Variants in ABCA5 observed in about 807,000 individuals in gnomAD.
ABCA5 encodes cholesterol transporter ABCA5.
Under a neutral mutation model 206.0 loss-of-function variants are expected in ABCA5, and 163 were observed. The observed-to-expected ratio is 0.79, with a 90% CI of 0.70 to 0.90. The LOEUF is 0.90. ABCA5 is among the 40% of genes least tolerant of loss of function. ABCA5 has a pLI of 0.00. For synonymous variants in ABCA5, 609 were observed against 613.8 expected (o/e 0.99, Z 0.11); for missense variants, 1,859 against 1,912.9 (o/e 0.97, Z 0.53).
At chr17:69,293,743 T>C (rs2075552346) in intron 11 of ABCA5, among the ~76,000 whole-genome samples, 1 of 151,938 alleles carries the variant, frequency 6.6e-6, no homozygotes, top group African/African-American at 2.4e-5. Flanking sequence ...CAACCTGCCT[T>C]ACAGATTTCT....
intron 1 of ABCA5, among the ~76,000 whole-genome samples, chr17:69,323,141 C>T (rs2075877152): frequency 6.6e-6 from 1 of 152,140 alleles, no homozygotes; most frequent in Non-Finnish European, 1.5e-5. Context: ...TAATTACTGA[C>T]CTTTTGTTAT....
intron 19 of ABCA5, 31 bp from the exon 20 acceptor site, chr17:69,274,159 G>A (rs767506958): frequency 2.0e-6 from 3 of 1,525,446 alleles, no homozygotes; most frequent in East Asian, 2.3e-5. Flanking sequence ...ACACAGCTCA[G>A]GGTACAAAGG....
At chr17:69,288,229 G>A (rs1048818876) in intron 14 of ABCA5, among the ~76,000 whole-genome samples, 4 of 152,098 alleles carry the variant, frequency 2.6e-5, no homozygotes, top group African/African-American at 9.7e-5. Context: ...TTCCCCAGCT[G>A]CAACAGCAAG....
chr17:69,277,050 T>C (rs2075340340), intron 19 of ABCA5, among the ~76,000 whole-genome samples: 1 of 152,206 alleles, frequency 6.6e-6, no homozygotes, highest in Admixed American at 6.5e-5. Flanking sequence ...GTTAATGTTA[T>C]TTCCAAATTA....
At position 69,270,720 on chromosome 17, in the gene ABCA5, T is replaced by C; in HGVS notation, c.2923A>G (p.Thr975Ala). ...AATATAGGTAAAGAATAAACCATAG[T>C]ACTGTTGAAAACAGCTGCAAAAACA... ...DYVFAAVFNS[T>A]MVYSLPILVN... The change falls in exon 22 of 39, where the codon ACT becomes GCT. Residue 975 changes from threonine to alanine, a missense_variant. Thr to Ala is a moderately conservative substitution (Grantham distance 58). Transcript: ENST00000392676. 2 of 1,573,178 alleles carry C rather than the reference T, an allele frequency of 1.3e-6. No homozygotes were observed. The highest frequency in any genetic ancestry group is 1.2e-5 in the South Asian group (1 of 82,226).
At chr17:69,282,468 T>C (rs1404309293) in intron 18 of ABCA5, among the ~76,000 whole-genome samples, 2 of 152,010 alleles carry the variant, frequency 1.3e-5, no homozygotes, top group East Asian at 3.9e-4. Flanking sequence ...TCTCAAACAA[T>C]ATACTCAAAA....
intron 19 of ABCA5, among the ~76,000 whole-genome samples, 153 bp downstream of exon 19, chr17:69,277,488 T>A (rs939853891): frequency 2.0e-5 from 3 of 152,162 alleles, no homozygotes; most frequent in African/African-American, 7.2e-5. Flanking sequence ...ATTATTGTAA[T>A]TTTTTTCTCT....
At chr17:69,261,612 A>T (rs781170569) in intron 25 of ABCA5, 23 bp downstream of exon 25, 2 of 1,067,964 alleles carry the variant, frequency 1.9e-6, no homozygotes, top group South Asian at 3.0e-5. Flanking sequence ...TGGAAAGTTG[A>T]AATAATGTAA....
At chr17:69,312,895 C>A (rs1218333322) in intron 3 of ABCA5, among the ~76,000 whole-genome samples, 197 bp downstream of exon 3, 1 of 151,624 alleles carries the variant, frequency 6.6e-6, no homozygotes, top group Non-Finnish European at 1.5e-5. Flanking sequence ...TGCTTCCTAC[C>A]ACCAAGAATA....
intron 1 of ABCA5, among the ~76,000 whole-genome samples, chr17:69,320,011 A>C (rs549869823): frequency 6.6e-6 from 1 of 152,180 alleles, no homozygotes; most frequent in Non-Finnish European, 1.5e-5. Context: ...ATTATCTGTA[A>C]AATACAACAA....
At chr17:69,297,939 C>T (rs148130031) in intron 9 of ABCA5, among the ~76,000 whole-genome samples, 2,616 of 152,282 alleles carry the variant, frequency 0.017, 76 homozygotes, top group African/African-American at 0.059. Flanking sequence ...AATCCCAACA[C>T]TTTGGAAGGC....
chr17:69,299,457 C>T (rs1272172639), intron 9 of ABCA5, among the ~76,000 whole-genome samples: 1 of 135,928 alleles, frequency 7.4e-6, no homozygotes, highest in Non-Finnish European at 1.6e-5. Context: ...AAATGTGATA[C>T]ACACACACAC....
chr17:69,309,510 G>T, intron 3 of ABCA5, 87 bp from the exon 4 acceptor site: 1 of 1,002,012 alleles, frequency 1.0e-6, no homozygotes, highest in Non-Finnish European at 1.4e-6. Flanking sequence ...TTGATGAATG[G>T]AATATTTTAT....
Position 69,267,940 on chromosome 17 carries a change from T to C in ABCA5, c.3144+3A>G. ...AATTATATATTTTTAACTGAGTCAT[T>C]ACCTTATGATTCTCTGCATTTTCCA... On this transcript the variant is annotated splice_donor_region_variant and intron_variant, in intron 23 of 38. Transcript: ENST00000392676. The C allele has an allele frequency of 6.4e-7, 1 of 1,563,310 alleles. No homozygotes were observed. Among genetic ancestry groups the C allele is most frequent in the Non-Finnish European group, 8.8e-7 (1 of 1,135,982 alleles).
intron 9 of ABCA5, among the ~76,000 whole-genome samples, chr17:69,300,244 C>T (rs777390771): frequency 2.0e-5 from 3 of 152,102 alleles, no homozygotes; most frequent in African/African-American, 4.8e-5. Flanking sequence ...CCTTCACATG[C>T]GCGGTTCGCA....
intron 16 of ABCA5, 46 bp downstream of exon 16, chr17:69,286,175 T>C (rs1025222951): frequency 6.4e-7 from 1 of 1,566,256 alleles, no homozygotes; most frequent in Non-Finnish European, 8.7e-7. Flanking sequence ...AATAACAGTA[T>C]AGCAAGAGTA....
At chr17:69,272,288 T>G (rs1165540213) in intron 20 of ABCA5, among the ~76,000 whole-genome samples, 1 of 152,000 alleles carries the variant, frequency 6.6e-6, no homozygotes. Context: ...CTCTGCAAGG[T>G]GGGTAAGATA....
chr17:69,281,164 A>G (rs994532926), intron 18 of ABCA5, among the ~76,000 whole-genome samples: 4 of 151,866 alleles, frequency 2.6e-5, no homozygotes, highest in Non-Finnish European at 5.9e-5. Flanking sequence ...AAACATTCAG[A>G]ACTTTCAACA....
At chr17:69,277,871 AG>A in intron 18 of ABCA5, 29 bp from the exon 19 acceptor site, 1 of 1,438,720 alleles carries the variant, frequency 7.0e-7, no homozygotes, top group Non-Finnish European at 9.3e-7. Context: ...CAAACATTTC[AG>A]TATGTTCATT....
Sources: gnomAD v4.1 joint callset for allele counts (sites outside exome capture counted in the v4.1 genomes callset) on GRCh38, gnomAD v4.1.1 for gene constraint, MANE v1.5 for transcripts, NCBI Gene and HGNC (gene_info 2026-07-23, HGNC 2026-07-21) for gene names.